The following ADCY5 variants were observed in gnomAD, a reference collection of about 807,000 sequenced individuals.
ADCY5 encodes the protein adenylate cyclase 5.
ADCY5 carries 30 observed loss-of-function variants against 119.7 expected under a neutral mutation model. The ratio of observed to expected loss-of-function variants is 0.25; its 90% CI spans 0.19 to 0.34. ADCY5 has a LOEUF of 0.34. Ranked by LOEUF, ADCY5 falls within the 10% of genes least tolerant of loss-of-function variation. The pLI, the probability that ADCY5 is intolerant of heterozygous loss-of-function variation, is 1.00. For missense variants in ADCY5, 1,324 were observed against 1,775.2 expected (o/e 0.75, Z 4.57); for synonymous variants, 753 against 762.2 (o/e 0.99, Z 0.20).
chr3:123,448,609 G>A lies in ADCY5; in HGVS notation c.-64C>T, dbSNP rs1945874811. ...GAAGCCGGGCCGGGGGTCTCCAAGG[G>A]GAGGGCGGACGGCCGAGCAGGGGGA... On this transcript the variant is annotated 5_prime_UTR_variant, in exon 1 of 21. Coordinates refer to ENST00000462833, the MANE Select transcript of ADCY5 (RefSeq NM_183357.3). The A allele has an allele frequency of 1.6e-6, 2 of 1,257,868 alleles. No individual in the cohort carries two copies. The highest frequency in any genetic ancestry group is 2.0e-6 in the Non-Finnish European group (2 of 1,002,234). 77.9% of individuals were successfully genotyped at this position (1,257,868 alleles called of 1,614,324 possible).
intron 1 of ADCY5, among the ~76,000 whole-genome samples, chr3:123,385,029 T>C (rs1197703924): frequency 1.3e-5 from 2 of 152,106 alleles, no homozygotes; most frequent in African/African-American, 2.4e-5. Flanking sequence ...GCCTGGCAAG[T>C]TACCGCAAAC....
chr3:123,373,539 TC>T (rs1296287929), intron 1 of ADCY5, among the ~76,000 whole-genome samples: 2 of 152,182 alleles, frequency 1.3e-5, no homozygotes, highest in Non-Finnish European at 2.9e-5. Flanking sequence ...CAGAAACGAC[TC>T]CTTGCCCTGA....
chr3:123,403,346 A>G (rs1443781281), intron 1 of ADCY5, among the ~76,000 whole-genome samples: 2 of 149,502 alleles, frequency 1.3e-5, no homozygotes, highest in African/African-American at 5.0e-5. Flanking sequence ...CAACCACTAC[A>G]TGCCAGCCTA....
chr3:123,385,927 G>A (rs2107572484), intron 1 of ADCY5, among the ~76,000 whole-genome samples: 1 of 152,284 alleles, frequency 6.6e-6, no homozygotes, highest in African/African-American at 2.4e-5. Context: ...CGGCTCTCCA[G>A]GGTAGGTGCT....
chr3:123,329,420 A>C (rs1377630742), intron 5 of ADCY5, among the ~76,000 whole-genome samples: 1 of 152,116 alleles, frequency 6.6e-6, no homozygotes, highest in Non-Finnish European at 1.5e-5. Flanking sequence ...ACATATCCAT[A>C]TCTGGGAGCT....
At position 123,447,780 on chromosome 3, in the gene ADCY5, T is replaced by G. The variant is rs772476635; in HGVS notation, c.766A>C (p.Met256Leu). 6.2e-7 allele frequency: 1 copy of G among 1,610,608 alleles called. No individual in the cohort carries two copies. The highest frequency in any genetic ancestry group is 1.1e-5 in the South Asian group (1 of 90,988). Residue 256 changes from methionine to leucine, a missense_variant, in exon 1 of 21, where the codon ATG (methionine) becomes CTG (leucine). Around this residue, in one of 6 missense-constraint regions of ADCY5, gnomAD observed 585 missense variants for 569.9 expected, o/e 1.03. Coordinates refer to ENST00000462833, the MANE Select transcript of ADCY5 (RefSeq NM_183357.3). ...MAVLVLVCLV[M>L]LAFHAARPPL... ...GGCCGCGCCGCGTGGAAGGCCAACA[T>G]GACCAGGCACACGAGCACCAGCACG...
intron 1 of ADCY5, among the ~76,000 whole-genome samples, chr3:123,408,620 C>G (rs1349104052): frequency 6.7e-6 from 1 of 148,996 alleles, no homozygotes; most frequent in Non-Finnish European, 1.5e-5. Flanking sequence ...GGCGCCACTG[C>G]ACTCCAGCCT....
At chr3:123,435,962 C>G (rs898415211) in intron 1 of ADCY5, among the ~76,000 whole-genome samples, 4 of 150,242 alleles carry the variant, frequency 2.7e-5, no homozygotes, top group African/African-American at 9.8e-5. Context: ...GCTATCTCAG[C>G]TCACTGCAAC....
chr3:123,318,388 T>C (rs552588026), intron 10 of ADCY5, among the ~76,000 whole-genome samples: 1 of 152,268 alleles, frequency 6.6e-6, no homozygotes, highest in South Asian at 2.1e-4. Flanking sequence ...ATAATGATCA[T>C]GGCTGTACAT....
At position 123,291,322 on chromosome 3, in the gene ADCY5, G is replaced by A. The variant is rs748253301; in HGVS notation, c.3118C>T (p.Leu1040=). ...EELQAYNRRL[L]HNILPKDVAA... is the part of the protein sequence containing the mutation. ...ACGTCCTTGGGCAGGATGTTGTGCA[G>A]CAGCCGCCGGTTGTAGGCCTGCAGC... Residue 1040 remains leucine, a synonymous_variant, in exon 18 of 21, where the codon CTG becomes TTG. Coordinates refer to ENST00000462833, the MANE Select transcript of ADCY5 (RefSeq NM_183357.3). 6.2e-7 allele frequency: 1 copy of A among 1,613,814 alleles called. No homozygotes were observed.
chr3:123,385,924 C>T (rs1944205634), intron 1 of ADCY5, among the ~76,000 whole-genome samples: 1 of 152,164 alleles, frequency 6.6e-6, no homozygotes, highest in Non-Finnish European at 1.5e-5. Flanking sequence ...AGACGGCTCT[C>T]CAGGGTAGGT....
At chr3:123,411,002 A>G (rs893645093) in intron 1 of ADCY5, among the ~76,000 whole-genome samples, 13 of 152,188 alleles carry the variant, frequency 8.5e-5, no homozygotes, top group African/African-American at 3.1e-4. Flanking sequence ...TAAATTCCTT[A>G]GCACTAGCCA....
intron 1 of ADCY5, among the ~76,000 whole-genome samples, chr3:123,427,883 T>C (rs1945444635): frequency 6.6e-6 from 1 of 152,184 alleles, no homozygotes; most frequent in Non-Finnish European, 1.5e-5. Flanking sequence ...TAACACATGG[T>C]AGATATTTGT....
intron 2 of ADCY5, among the ~76,000 whole-genome samples, chr3:123,348,823 G>A (rs563748023): frequency 1.3e-5 from 2 of 152,204 alleles, no homozygotes; most frequent in East Asian, 1.9e-4. Flanking sequence ...CACATCATTC[G>A]CTCATCCCCA....
At chr3:123,430,071 T>C (rs1007655149) in intron 1 of ADCY5, among the ~76,000 whole-genome samples, 1 of 152,124 alleles carries the variant, frequency 6.6e-6, no homozygotes, top group Non-Finnish European at 1.5e-5. Context: ...CTCCCACATC[T>C]GTCCACGGCA....
chr3:123,448,595 G>A lies in ADCY5; in HGVS notation c.-50C>T. 3.9e-6 allele frequency: 5 copies of A among 1,267,052 alleles called. No homozygotes were observed. The highest frequency in any genetic ancestry group is 1.5e-5 in the African/African-American group (1 of 64,684). 78.5% of individuals were successfully genotyped at this position (1,267,052 alleles called of 1,614,324 possible). A position where few individuals can be genotyped will look rare whatever the true frequency, so the allele number is the denominator to read the frequency against. On this transcript the variant is annotated 5_prime_UTR_variant, in exon 1 of 21. Transcript: ENST00000462833. ...TTCCTCCTCCCCCGGAAGCCGGGCCGGGGGTCTCCAAGGGGAGGGCGGACG... is the reference window on the plus strand; with the variant it reads ...TTCCTCCTCCCCCGGAAGCCGGGCCAGGGGTCTCCAAGGGGAGGGCGGACG...
chr3:123,315,683 C>T (rs1940879428), intron 11 of ADCY5, among the ~76,000 whole-genome samples: 1 of 152,064 alleles, frequency 6.6e-6, no homozygotes, highest in African/African-American at 2.4e-5. Flanking sequence ...TCAAGTGATT[C>T]TCCCGCCTCA....
intron 14 of ADCY5, 53 bp from the exon 15 acceptor site, chr3:123,300,348 C>T: frequency 6.3e-7 from 1 of 1,578,962 alleles, no homozygotes; most frequent in Non-Finnish European, 8.6e-7. Flanking sequence ...CGACCCCGGG[C>T]CCTGGCCCCA....
intron 1 of ADCY5, chr3:123,419,279 G>A (rs1173567663): frequency 1.6e-5 from 14 of 874,268 alleles, no homozygotes; most frequent in Middle Eastern, 5.7e-4. Context: ...GGGAAGTGCC[G>A]TCCGCCCACC....
Sources: allele counts gnomAD v4.1 joint callset (sites outside exome capture counted in the v4.1 genomes callset), GRCh38; gene constraint gnomAD v4.1.1; regional missense constraint gnomAD v4.1.1; transcripts MANE v1.5; gene names NCBI Gene and HGNC (gene_info 2026-07-23, HGNC 2026-07-21).